BANK1: variants seen among roughly 807,000 people sequenced by gnomAD.
BANK1 encodes B-cell scaffold protein with ankyrin repeats.
BANK1 carries 95 observed loss-of-function variants against 94.5 expected under a neutral mutation model. The ratio of observed to expected loss-of-function variants is 1.00; its 90% CI spans 0.85 to 1.19. The LOEUF (loss-of-function observed/expected upper bound fraction) is 1.19, where lower values mean the gene tolerates loss of function less well. Ranked by LOEUF, BANK1 falls within the 50% of genes most tolerant of loss-of-function variation. The pLI is 0.00. For missense variants in BANK1, 987 were observed against 932.2 expected, an observed-to-expected ratio of 1.06 and a Z score of -0.77; for synonymous variants, 334 against 308.4, an observed-to-expected ratio of 1.08 and a Z score of -0.87.
At chr4:101,792,067 A>G (rs1208954453) in intron 1 of BANK1, among the ~76,000 whole-genome samples, 1 of 152,162 alleles carries the variant, frequency 6.6e-6, no homozygotes, top group Non-Finnish European at 1.5e-5. Flanking sequence ...CAGTTTAACA[A>G]TTTTGTTAGA....
At chr4:102,015,435 T>G (rs6844449) in intron 7 of BANK1, among the ~76,000 whole-genome samples, 46,134 of 151,872 alleles carry the variant, frequency 0.3, 8,059 homozygotes, top group South Asian at 0.46. Flanking sequence ...ATTGAAAGAG[T>G]CACCATTTTA....
At chr4:101,901,016 G>A (rs1722265334) in intron 6 of BANK1, among the ~76,000 whole-genome samples, 1 of 152,086 alleles carries the variant, frequency 6.6e-6, no homozygotes, top group Non-Finnish European at 1.5e-5. Flanking sequence ...GTTTCTGAGA[G>A]AAGAAAATTA....
At chr4:101,802,114 G>T (rs926301294) in intron 1 of BANK1, among the ~76,000 whole-genome samples, 1 of 152,168 alleles carries the variant, frequency 6.6e-6, no homozygotes, top group Non-Finnish European at 1.5e-5. Context: ...CGGGGATAGA[G>T]CCCTAGCCAG....
At chr4:101,874,373 T>C (rs1451033219) in intron 5 of BANK1, among the ~76,000 whole-genome samples, 2 of 152,198 alleles carry the variant, frequency 1.3e-5, no homozygotes, top group African/African-American at 4.8e-5. Context: ...TTAGCAGTTG[T>C]CTCCCTTAAT....
intron 1 of BANK1, among the ~76,000 whole-genome samples, chr4:101,823,632 T>A (rs1323180605): frequency 6.6e-6 from 1 of 152,182 alleles, no homozygotes; most frequent in Non-Finnish European, 1.5e-5. Flanking sequence ...AGTTTATATA[T>A]CCAGGGTTAG....
chr4:101,936,411 G>A (rs1342062299), intron 7 of BANK1, among the ~76,000 whole-genome samples: 3 of 149,828 alleles, frequency 2.0e-5, no homozygotes, highest in Non-Finnish European at 3.0e-5. Flanking sequence ...ATGTGCGTAT[G>A]CATGTATACA....
intron 6 of BANK1, among the ~76,000 whole-genome samples, chr4:101,909,379 C>T (rs530808163): frequency 1.3e-5 from 2 of 152,224 alleles, no homozygotes; most frequent in African/African-American, 4.8e-5. Context: ...ACATCACACA[C>T]CGGGGCCTGT....
chr4:102,005,640 A>G (rs1261755736), intron 7 of BANK1, among the ~76,000 whole-genome samples: 1 of 152,098 alleles, frequency 6.6e-6, no homozygotes, highest in African/African-American at 2.4e-5. Flanking sequence ...CGCTAACACC[A>G]TTATTATTAT....
intron 7 of BANK1, among the ~76,000 whole-genome samples, chr4:101,991,377 G>A (rs1725700600): frequency 6.6e-6 from 1 of 152,240 alleles, no homozygotes. Context: ...TAGCAGGCAA[G>A]CCTGCTCACA....
chr4:101,898,777 C>T (rs907491957), intron 6 of BANK1, among the ~76,000 whole-genome samples: 1 of 151,868 alleles, frequency 6.6e-6, no homozygotes, highest in African/African-American at 2.4e-5. Context: ...AATACCATTC[C>T]ATGTCAATAG....
chr4:102,067,746 T>C (rs1041719284), intron 13 of BANK1, among the ~76,000 whole-genome samples: 2 of 151,904 alleles, frequency 1.3e-5, no homozygotes, highest in Admixed American at 1.3e-4. Flanking sequence ...ATAGAACAAA[T>C]AGACAAAAAT....
intron 7 of BANK1, among the ~76,000 whole-genome samples, chr4:101,956,489 A>G (rs1434572776): frequency 6.6e-6 from 1 of 152,226 alleles, no homozygotes; most frequent in Non-Finnish European, 1.5e-5. Context: ...AGTCCTAGAC[A>G]TCATCTATTT....
In BANK1 at chr4:101,790,841, C is replaced by A. The variant is rs1021160633; in HGVS notation, c.-40C>A. ...CCGGGAGAGTCCAGGTAGCGCTCGG[C>A]GGGCAGCAGTGCGCAGGCCCCTCGG... is the stretch of plus-strand genomic sequence containing the variant. On this transcript the variant is annotated 5_prime_UTR_variant, in exon 1 of 17. Transcript: ENST00000322953. 2.0e-6 allele frequency: 3 copies of A among 1,527,448 alleles called. No homozygotes were observed. The highest frequency in any genetic ancestry group is 4.9e-5 in the East Asian group (2 of 40,676). The allele number at this position is 1,527,448 out of a possible 1,614,324, so 94.6% of individuals were successfully genotyped here.
rs1002302626 is a variant in BANK1, at chr4:102,029,943, A to G, written c.1595-17A>G. The stretch of plus-strand genomic sequence containing the variant: ...TGTAACAGAAGAGTAAACACCATGT[A>G]AATATTTCATAAACAGGGACAATGG... On this transcript the variant is annotated splice_polypyrimidine_tract_variant and intron_variant, in intron 9 of 16. Coordinates refer to ENST00000322953, the MANE Select transcript of BANK1 (RefSeq NM_017935.5). 2 of 1,581,580 alleles carry G rather than the reference A, an allele frequency of 1.3e-6. No homozygotes were observed. Among genetic ancestry groups the G allele is most frequent in the South Asian group, 2.4e-5 (2 of 83,816 alleles).
intron 2 of BANK1, among the ~76,000 whole-genome samples, chr4:101,847,886 G>A (rs1339374261): frequency 6.6e-6 from 1 of 152,008 alleles, no homozygotes; most frequent in Non-Finnish European, 1.5e-5. Context: ...GAAGCTTCTT[G>A]CCCCGTTCAA....
chr4:101,853,889 G>A (rs553361500), intron 2 of BANK1, among the ~76,000 whole-genome samples: 2 of 152,218 alleles, frequency 1.3e-5, no homozygotes, highest in South Asian at 4.1e-4. Context: ...TACTAGCCAG[G>A]ATTTGCTCAT....
intron 1 of BANK1, among the ~76,000 whole-genome samples, chr4:101,804,033 A>AT (rs1236508655): frequency 7.6e-6 from 1 of 132,410 alleles, no homozygotes; most frequent in East Asian, 2.1e-4. Flanking sequence ...AAAGAAATAT[A>AT]TAAAAAAAAG....
At chr4:101,827,104 TAA>T (rs887980759) in intron 1 of BANK1, among the ~76,000 whole-genome samples, 29 of 151,894 alleles carry the variant, frequency 1.9e-4, no homozygotes, top group Non-Finnish European at 2.2e-4. Context: ...TAAAATAATA[TAA>T]GTTTATTATA....
At chr4:101,853,529 T>C (rs1727569576) in intron 2 of BANK1, among the ~76,000 whole-genome samples, 1 of 152,058 alleles carries the variant, frequency 6.6e-6, no homozygotes, top group African/African-American at 2.4e-5. Flanking sequence ...GGGAGAACCA[T>C]GGGGTATCTC....
Sources: allele counts gnomAD v4.1 joint callset (sites outside exome capture counted in the v4.1 genomes callset), GRCh38; gene constraint gnomAD v4.1.1; transcripts MANE v1.5; gene names NCBI Gene and HGNC (gene_info 2026-07-23, HGNC 2026-07-21).